TNS1: variants seen among roughly 807,000 people sequenced by gnomAD.
TNS1 encodes the protein tensin-1.
A neutral mutation model predicts 168.6 loss-of-function variants in TNS1; 62 were observed. That is an observed-to-expected ratio of 0.37 (90% CI 0.30 to 0.45). The LOEUF is 0.45. Ranked by LOEUF, TNS1 falls within the 20% of genes least tolerant of loss-of-function variation. TNS1 has a pLI of 1.00. For missense variants in TNS1, 2,240 were observed against 2,339.4 expected, an observed-to-expected ratio of 0.96 and a Z score of 0.88; for synonymous variants, 934 against 933.2, an observed-to-expected ratio of 1.00 and a Z score of -0.02.
chr2:217,847,631 G>A lies in TNS1; in HGVS notation c.2886C>T (p.Ala962=), dbSNP rs374664524. 4.1e-5 allele frequency: 65 copies of A among 1,583,368 alleles called. No individual in the cohort carries two copies. The highest frequency in any genetic ancestry group is 3.3e-4 in the Middle Eastern group (2 of 5,972). The change falls in exon 19 of 33, where the codon GCC becomes GCT. Residue 962 remains alanine, a synonymous_variant. Transcript: ENST00000682258. ...HSPPGPQQPP[A]SLPGLTAQPL... ...GCTGAGCAGTGAGGCCAGGGAGAGAGGCTGGGGGTTGCTGAGGCCCTGGAG... is the reference window on the plus strand; with the variant it reads ...GCTGAGCAGTGAGGCCAGGGAGAGAAGCTGGGGGTTGCTGAGGCCCTGGAG...
intron 4 of TNS1, among the ~76,000 whole-genome samples, chr2:217,913,721 G>A (rs1183120561): frequency 6.6e-6 from 1 of 151,950 alleles, no homozygotes; most frequent in African/African-American, 2.4e-5. Context: ...AGTGTGGTTT[G>A]TGGACTCCTC....
At chr2:217,893,300 C>A in intron 10 of TNS1, 139 bp downstream of exon 10, 1 of 1,405,754 alleles carries the variant, frequency 7.1e-7, no homozygotes, top group Non-Finnish European at 9.3e-7. Flanking sequence ...GAAAAATACA[C>A]ACAGACTTAT....
rs1937506272 is a variant in TNS1, at chr2:217,801,678, A to C, written c.*2781T>G. ...TAAAGGAAATCTTTGGCAAGAATATACTGCAGTGCGGAGTGTTGTGTGTGC... is the reference window on the plus strand; with the variant it reads ...TAAAGGAAATCTTTGGCAAGAATATCCTGCAGTGCGGAGTGTTGTGTGTGC... On this transcript the variant is annotated 3_prime_UTR_variant, in exon 33 of 33. Coordinates refer to ENST00000682258, the MANE Select transcript of TNS1 (RefSeq NM_001387777.1). The C allele has an allele frequency of 6.6e-6, 1 of 152,254 alleles. No individual in the cohort carries two copies. Among genetic ancestry groups the C allele is most frequent in the African/African-American group, 2.4e-5 (1 of 41,468 alleles). 9.4% of individuals were successfully genotyped at this position (152,254 alleles called of 1,614,324 possible).
At chr2:217,924,291 T>A (rs1256065156) in intron 3 of TNS1, among the ~76,000 whole-genome samples, 3 of 151,754 alleles carry the variant, frequency 2.0e-5, no homozygotes, top group Non-Finnish European at 1.5e-5. Context: ...CCTAATTCCC[T>A]TATGTTTCTC....
intron 18 of TNS1, among the ~76,000 whole-genome samples, chr2:217,855,142 C>T (rs1199205217): frequency 6.6e-6 from 1 of 152,166 alleles, no homozygotes; most frequent in African/African-American, 2.4e-5. Flanking sequence ...AAAGCCCAAC[C>T]CCCACGCTGG....
chr2:217,937,278 C>T (rs954901932), intron 3 of TNS1: 1 of 335,430 alleles, frequency 3.0e-6, no homozygotes, highest in Admixed American at 3.9e-5. Flanking sequence ...CCCTCAAAGG[C>T]TTTTAAAGTG....
rs1022653700 is a variant in TNS1, at chr2:217,986,926, C to T, written c.148+4016G>A. On this transcript the variant is annotated intron_variant, in intron 2 of 32. Coordinates refer to ENST00000682258, the MANE Select transcript of TNS1 (RefSeq NM_001387777.1). This position sits in a 1 kb window ranked among gnomAD's most constrained non-coding sequence, Gnocchi z 4.7. The stretch of plus-strand genomic sequence containing the variant: ...GATTGCCAGATGGCTGCACGCAGCG[C>T]GGAGGAGGTGAGCAGCAGCCTGCGT... 1 of 152,216 alleles carries T rather than the reference C, an allele frequency of 6.6e-6. No homozygotes were observed. Among genetic ancestry groups the T allele is most frequent in the East Asian group, 1.9e-4 (1 of 5,196 alleles). The allele number at this position is 152,216 out of a possible 1,614,324, so 9.4% of individuals were successfully genotyped here.
At chr2:217,901,340 G>A (rs1023383438) in intron 6 of TNS1, among the ~76,000 whole-genome samples, 2 of 152,184 alleles carry the variant, frequency 1.3e-5, no homozygotes, top group African/African-American at 4.8e-5. Flanking sequence ...TGGCAGTGAG[G>A]ATCCAAAGGA....
chr2:217,837,225 GCA>G (rs1945292460), intron 19 of TNS1, among the ~76,000 whole-genome samples: 2 of 152,136 alleles, frequency 1.3e-5, no homozygotes, highest in African/African-American at 4.8e-5. Flanking sequence ...CACACACACT[GCA>G]CACACACTGC....
chr2:217,938,360 GGGCAGA>G (rs756069006), intron 3 of TNS1, among the ~76,000 whole-genome samples: 7 of 152,204 alleles, frequency 4.6e-5, no homozygotes, highest in Non-Finnish European at 8.8e-5. Context: ...ACCCCAGAGA[GGGCAGA>G]GGCCTGGGAC....
intron 20 of TNS1, among the ~76,000 whole-genome samples, chr2:217,835,502 C>T (rs1945044090): frequency 6.6e-6 from 1 of 152,184 alleles, no homozygotes; most frequent in South Asian, 2.1e-4. Context: ...GATCTACTAC[C>T]CTGAAATCTC....
intron 3 of TNS1, among the ~76,000 whole-genome samples, chr2:217,976,784 C>T (rs767019339): frequency 9.2e-5 from 14 of 152,200 alleles, no homozygotes; most frequent in African/African-American, 1.7e-4. Flanking sequence ...CTTCACTGCC[C>T]GGAAGTTTAT....
intron 3 of TNS1, among the ~76,000 whole-genome samples, chr2:217,935,958 T>A (rs1956584298): frequency 6.6e-6 from 1 of 152,188 alleles, no homozygotes; most frequent in Non-Finnish European, 1.5e-5. Context: ...CACTGCCTCA[T>A]GAGAGGTCAT....
intron 4 of TNS1, among the ~76,000 whole-genome samples, chr2:217,907,460 A>G (rs1308833068): frequency 1.3e-5 from 2 of 152,222 alleles, no homozygotes; most frequent in Non-Finnish European, 2.9e-5. Flanking sequence ...TGCTAGAACC[A>G]TCTGGTTCCA....
intron 3 of TNS1, among the ~76,000 whole-genome samples, chr2:217,924,939 T>A (rs910626879): frequency 2.6e-5 from 4 of 152,194 alleles, no homozygotes; most frequent in African/African-American, 7.2e-5. Flanking sequence ...CATCATGGTA[T>A]TTCAGGTGAC....
At chr2:218,021,076 A>C (rs11884246) in intron 1 of TNS1, among the ~76,000 whole-genome samples, 92,345 of 152,122 alleles carry the variant, frequency 0.61, 29,428 homozygotes, top group African/African-American at 0.79. Flanking sequence ...CTGGCAGAGC[A>C]CTGAATAAGC....
chr2:217,898,838 A>T (rs1043459999), intron 7 of TNS1, among the ~76,000 whole-genome samples: 1 of 151,904 alleles, frequency 6.6e-6, no homozygotes, highest in African/African-American at 2.4e-5. Context: ...ATCTCTCCCA[A>T]CTTTTCTTCC....
chr2:217,880,284 A>G lies in TNS1; in HGVS notation c.1429+614T>C, dbSNP rs1180238032. 6.6e-6 allele frequency among the ~76,000 whole-genome samples: 1 copy of G among 152,234 alleles called. No homozygotes were observed. Among genetic ancestry groups the G allele is most frequent in the Non-Finnish European group, 1.5e-5 (1 of 68,042 alleles). On this transcript the variant is annotated intron_variant, in intron 18 of 32. Transcript: ENST00000682258. This position sits in a 1 kb window ranked among gnomAD's most constrained non-coding sequence, Gnocchi z 4.2. ...TTGACATAATGTTAGGTTTGTAGCT[A>G]AATTAAACATGTATTAATTTCAATT...
intron 1 of TNS1, among the ~76,000 whole-genome samples, chr2:218,002,152 C>T (rs929083314): frequency 2.0e-5 from 3 of 152,168 alleles, no homozygotes; most frequent in Admixed American, 1.3e-4. Context: ...CCACGTGGCC[C>T]CCAGGCCTCT....
Sources: gnomAD v4.1 joint callset for allele counts (sites outside exome capture counted in the v4.1 genomes callset) on GRCh38, gnomAD v4.1.1 for gene constraint, Gnocchi (gnomAD v3.1) non-coding constraint, MANE v1.5 for transcripts, NCBI Gene and HGNC (gene_info 2026-07-23, HGNC 2026-07-21) for gene names.